The following CNTN3 variants were observed in gnomAD, a reference collection of about 807,000 sequenced individuals.
CNTN3 encodes contactin 3, also known as contactin-3.
A neutral mutation model predicts 119.1 loss-of-function variants in CNTN3; 60 were observed. The ratio of observed to expected loss-of-function variants is 0.50; its 90% confidence interval spans 0.41 to 0.62. The LOEUF (loss-of-function observed/expected upper bound fraction) is 0.62. CNTN3 is among the 20% of genes least tolerant of loss of function. The probability of loss-of-function intolerance (pLI) is 0.00; values close to 1 mark genes in which losing one functional copy is unlikely to be tolerated. For synonymous variants in CNTN3, 450 were observed against 438.7 expected, an observed-to-expected ratio of 1.03 and a Z score of -0.32; for missense variants, 1,101 against 1,242.4, an observed-to-expected ratio of 0.89 and a Z score of 1.71.
chr3:74,415,457 GA>G (rs1240093622), intron 5 of CNTN3, among the ~76,000 whole-genome samples: 1 of 152,036 alleles, frequency 6.6e-6, no homozygotes, highest in African/African-American at 2.4e-5. Context: ...CAGCCCCAGG[GA>G]CAGCTGTCAA....
chr3:74,571,929 T>G (rs905003516), intron 1 of CNTN3, among the ~76,000 whole-genome samples: 1 of 152,186 alleles, frequency 6.6e-6, no homozygotes, highest in Non-Finnish European at 1.5e-5. Context: ...AGTCAGGGTA[T>G]CATATGAAAT....
At chr3:74,270,437 G>T (rs1227527729) in intron 20 of CNTN3, among the ~76,000 whole-genome samples, 1 of 152,152 alleles carries the variant, frequency 6.6e-6, no homozygotes, top group East Asian at 1.9e-4. Context: ...GAGACAGAAT[G>T]GATCAGATCT....
At position 74,499,669 on chromosome 3, in the gene CNTN3, G is replaced by A. The variant is rs1459285884; in HGVS notation, c.172C>T (p.Pro58Ser). 6 of 1,609,704 alleles carry A rather than the reference G, an allele frequency of 3.7e-6. No individual in the cohort carries two copies. In the Admixed American group the frequency reaches 8.4e-5, roughly 23 times the overall value. Residue 58 changes from proline to serine, a missense_variant, in exon 3 of 23, where the codon CCT (proline) becomes TCT (serine). By Grantham distance (74) the Pro-to-Ser change is moderately conservative. Coordinates refer to ENST00000263665, the MANE Select transcript of CNTN3 (RefSeq NM_020872.3). The stretch of plus-strand genomic sequence containing the variant: ...AACTTTTCACTGTACCTGTAATGAG[G>A]TGATGGATTGCCTCTTGCTTCACAA... ...LHCEARGNPSPHYRWQLNGSD... is the reference protein window; with the variant it reads ...LHCEARGNPSSHYRWQLNGSD...
intron 2 of CNTN3, among the ~76,000 whole-genome samples, chr3:74,502,649 C>T (rs995325708): frequency 1.8e-4 from 27 of 152,234 alleles, no homozygotes; most frequent in African/African-American, 4.3e-4. Context: ...TTCTCAGACA[C>T]GCTGAGCTTC....
chr3:74,401,512 GCA>G (rs1559583304), intron 5 of CNTN3, among the ~76,000 whole-genome samples: 4 of 149,798 alleles, frequency 2.7e-5, no homozygotes, highest in Non-Finnish European at 5.9e-5. Context: ...ACACACGCGC[GCA>G]CGCACACACA....
chr3:74,290,402 A>T (rs948144801), intron 19 of CNTN3, among the ~76,000 whole-genome samples: 1 of 152,240 alleles, frequency 6.6e-6, no homozygotes, highest in Non-Finnish European at 1.5e-5. Flanking sequence ...TGTATGTGTC[A>T]TCTGTCCTAA....
intron 1 of CNTN3, among the ~76,000 whole-genome samples, chr3:74,549,823 G>A (rs1703964141): frequency 1.3e-5 from 2 of 152,164 alleles, no homozygotes; most frequent in African/African-American, 2.4e-5. Flanking sequence ...ACGAGCAAGA[G>A]GTAAATGCAT....
intron 2 of CNTN3, among the ~76,000 whole-genome samples, chr3:74,503,796 C>G (rs975010847): frequency 2.0e-5 from 3 of 152,038 alleles, no homozygotes; most frequent in Non-Finnish European, 2.9e-5. Flanking sequence ...TTTTGACATG[C>G]TAGCCTGGTT....
At position 74,550,219 on chromosome 3, in the gene CNTN3, A is replaced by T. The variant is rs144357652; in HGVS notation, c.-80-29027T>A. ...ATGCTGCAAGAAAGCAGTGAATGGAAATTTTCACCATGAGCAGGGCATCCG... is the reference window on the plus strand; with the variant it reads ...ATGCTGCAAGAAAGCAGTGAATGGATATTTTCACCATGAGCAGGGCATCCG... On this transcript the variant is annotated intron_variant, in intron 1 of 22. Transcript: ENST00000263665. Among the ~76,000 whole-genome samples the T allele has an allele frequency of 1.6e-3, 246 of 152,332 alleles. 1 individual carries two copies. The highest frequency in any genetic ancestry group is 3.0e-3 in the Non-Finnish European group (202 of 68,034).
chr3:74,486,453 T>C lies in CNTN3; in HGVS notation c.358+3A>G. On this transcript the variant is annotated splice_donor_region_variant and intron_variant, in intron 4 of 22. Coordinates refer to ENST00000263665, the MANE Select transcript of CNTN3 (RefSeq NM_020872.3). ...TTTGCTAGACATGTGAACATAAACT[T>C]ACAGGCAAACTGAAGTTTGGCTTCT... 1 of 1,596,298 alleles carries C rather than the reference T, an allele frequency of 6.3e-7. No homozygotes were observed. Among genetic ancestry groups the C allele is most frequent in the Non-Finnish European group, 8.5e-7 (1 of 1,175,736 alleles).
chr3:74,408,554 C>A (rs1701381430), intron 5 of CNTN3, among the ~76,000 whole-genome samples: 1 of 152,248 alleles, frequency 6.6e-6, no homozygotes, highest in South Asian at 2.1e-4. Context: ...CTTTTTGGAT[C>A]CTTGTCAATG....
At chr3:74,486,773 T>G (rs1038684098) in intron 3 of CNTN3, 142 bp from the exon 4 acceptor site, 2 of 646,986 alleles carry the variant, frequency 3.1e-6, no homozygotes, top group Non-Finnish European at 4.8e-6. Context: ...TAACTGAAGA[T>G]CAAATATGCC....
intron 19 of CNTN3, among the ~76,000 whole-genome samples, chr3:74,291,413 C>A (rs1004286669): frequency 3.9e-5 from 6 of 152,112 alleles, no homozygotes; most frequent in African/African-American, 1.4e-4. Flanking sequence ...TGGGTATATA[C>A]CCAGTAATGG....
At chr3:74,418,545 T>A (rs1200516171) in intron 5 of CNTN3, among the ~76,000 whole-genome samples, 1 of 151,828 alleles carries the variant, frequency 6.6e-6, no homozygotes, top group Non-Finnish European at 1.5e-5. Context: ...TTCACCTTGC[T>A]GGCCAGGCTG....
At chr3:74,325,120 A>C (rs1703097190) in intron 13 of CNTN3, among the ~76,000 whole-genome samples, 1 of 122,164 alleles carries the variant, frequency 8.2e-6, no homozygotes, top group Non-Finnish European at 1.6e-5. Context: ...TGTCTTTGGC[A>C]AAAAAAAAAA....
intron 1 of CNTN3, among the ~76,000 whole-genome samples, chr3:74,562,917 T>C (rs1704174301): frequency 6.6e-6 from 1 of 152,124 alleles, no homozygotes; most frequent in African/African-American, 2.4e-5. Flanking sequence ...GAGCTAGTAT[T>C]AGAAAGGCTA....
At chr3:74,362,225 A>T (rs552831037) in intron 10 of CNTN3, among the ~76,000 whole-genome samples, 185 bp from the exon 11 acceptor site, 1 of 152,366 alleles carries the variant, frequency 6.6e-6, no homozygotes, top group South Asian at 2.1e-4. Context: ...AGCAAGTCTA[A>T]ATCGTGAGAC....
intron 20 of CNTN3, among the ~76,000 whole-genome samples, chr3:74,268,687 T>C (rs1701709774): frequency 6.6e-6 from 1 of 152,160 alleles, no homozygotes. Flanking sequence ...AAAAAAATTA[T>C]AGCAGCTGCT....
At chr3:74,408,609 T>G (rs1211103243) in intron 5 of CNTN3, among the ~76,000 whole-genome samples, 1 of 152,168 alleles carries the variant, frequency 6.6e-6, no homozygotes, top group Non-Finnish European at 1.5e-5. Flanking sequence ...CTCAACTATA[T>G]GCATTCACAT....
Sources: allele counts gnomAD v4.1 joint callset (sites outside exome capture counted in the v4.1 genomes callset), GRCh38; gene constraint gnomAD v4.1.1; transcripts MANE v1.5; gene names NCBI Gene and HGNC (gene_info 2026-07-23, HGNC 2026-07-21).